The following CLEC20A variants were observed in gnomAD, a reference collection of about 807,000 sequenced individuals.
The protein encoded by CLEC20A is C-type lectin domain containing 20A.
In CLEC20A at chr1:178,487,142, T is replaced by C. The variant is rs527828314; in HGVS notation, c.928+1359A>G. ...GGCAAGAAGGAGTGGCTTCGCGCGC[T>C]GGCTCCCCGGGCCTGTGCCTCTTCC... On this transcript the variant is annotated intron_variant, in intron 5 of 7. Coordinates refer to ENST00000623247, the Ensembl canonical transcript of CLEC20A. 1.0e-3 allele frequency among the ~76,000 whole-genome samples: 155 copies of C among 152,274 alleles called. 1 individual carries two copies. Among genetic ancestry groups the C allele is most frequent in the African/African-American group, 3.4e-3 (142 of 41,566 alleles).
At chr1:178,483,910 T>C (rs1392882117) in intron 5 of CLEC20A, 3 of 152,214 alleles carry the variant, frequency 2.0e-5, no homozygotes, top group Admixed American at 6.5e-5. Context: ...TTGTAAAATA[T>C]GTAAGCAAAT....
upstream of CLEC20A, chr1:178,497,211 CA>C: frequency 2.7e-6 from 1 of 374,778 alleles, no homozygotes; most frequent in Non-Finnish European, 4.7e-6. Flanking sequence ...AACAGTGTCC[CA>C]AAATGAAGGC....
chr1:178,484,893 G>C lies in CLEC20A; in HGVS notation c.929-1611C>G, dbSNP rs569217652. ...AACAGGCCTGGGTTCCACCCACCCA[G>C]ACTGTGCAATATTCTTTCCCCACAC... On this transcript the variant is annotated intron_variant, in intron 5 of 7. Transcript: ENST00000623247. Among the ~76,000 whole-genome samples the C allele has an allele frequency of 3.3e-5, 5 of 152,000 alleles. No individual in the cohort carries two copies. In the South Asian group the frequency reaches 1.0e-3, roughly 32 times the overall value.
rs370655861 is a variant in CLEC20A at position 178,496,722 on chromosome 1, A to T, written c.40+178T>A. 2.3e-4 allele frequency: 92 copies of T among 397,532 alleles called. No individual in the cohort carries two copies. The East Asian group carries it at 2.9e-3, about 13-fold the overall frequency. The allele number at this position is 397,532 out of a possible 1,614,324, so 24.6% of individuals were successfully genotyped here. ...GCTGAGTACTGTCTGGTTAGGGGCG[A>T]TGAGGGCGAAGCTCCCTTCCCAACC... On this transcript the variant is annotated intron_variant, in intron 1 of 7. Coordinates refer to ENST00000623247, the Ensembl canonical transcript of CLEC20A.
At chr1:178,487,182 C>T (rs1649169876) in intron 5 of CLEC20A, among the ~76,000 whole-genome samples, 1 of 152,198 alleles carries the variant, frequency 6.6e-6, no homozygotes, top group South Asian at 2.1e-4. Context: ...CTGGCCTTGC[C>T]CACCCAGTGC....
At chr1:178,488,072 C>T (rs543758103) in intron 5 of CLEC20A, among the ~76,000 whole-genome samples, 2 of 152,330 alleles carry the variant, frequency 1.3e-5, no homozygotes, top group South Asian at 2.1e-4. Context: ...CCTGCAATTC[C>T]GAGGGACTTT....
intron 4 of CLEC20A, among the ~76,000 whole-genome samples, chr1:178,489,615 T>C (rs1001910404): frequency 3.5e-4 from 53 of 151,946 alleles, no homozygotes; most frequent in Non-Finnish European, 1.3e-4. Context: ...TGTGCCAGAG[T>C]TTCTACTCTG....
chr1:178,497,478 A>T (rs558575791), upstream of CLEC20A, among the ~76,000 whole-genome samples: 6 of 152,300 alleles, frequency 3.9e-5, no homozygotes, highest in African/African-American at 1.4e-4. Context: ...GCCCAGAAGG[A>T]AGGACTTCAT....
intron 5 of CLEC20A, among the ~76,000 whole-genome samples, chr1:178,487,201 G>A (rs1025983606): frequency 1.3e-5 from 2 of 152,218 alleles, no homozygotes; most frequent in Non-Finnish European, 2.9e-5. Context: ...GCAGACAGGG[G>A]CGAGCAGGGA....
At chr1:178,492,207 G>A (rs78291873) in intron 3 of CLEC20A, among the ~76,000 whole-genome samples, 3 of 152,214 alleles carry the variant, frequency 2.0e-5, no homozygotes, top group East Asian at 1.9e-4. Flanking sequence ...ATCAGCCACC[G>A]GGAATGTCGG....
At chr1:178,489,616 T>C (rs1197822503) in intron 4 of CLEC20A, among the ~76,000 whole-genome samples, 3 of 152,058 alleles carry the variant, frequency 2.0e-5, no homozygotes, top group African/African-American at 7.2e-5. Context: ...GTGCCAGAGT[T>C]TCTACTCTGC....
chr1:178,488,787 C>G (rs1342982468), intron 4 of CLEC20A, among the ~76,000 whole-genome samples, 188 bp from the exon 5 acceptor site: 1 of 152,228 alleles, frequency 6.6e-6, no homozygotes, highest in Non-Finnish European at 1.5e-5. Flanking sequence ...CTAATCCTCA[C>G]AGCAAGCAGC....
At position 178,494,829 on chromosome 1, in the gene CLEC20A, T is replaced by C. The variant is rs1385196433; in HGVS notation, c.41-19A>G. The C allele has an allele frequency of 1.5e-5, 6 of 399,148 alleles. No homozygotes were observed. The highest frequency in any genetic ancestry group is 2.2e-5 in the Non-Finnish European group (5 of 226,210). The allele number at this position is 399,148 out of a possible 1,614,324, so 24.7% of individuals were successfully genotyped here. A position where few individuals can be genotyped will look rare whatever the true frequency, so the allele number is the denominator to read the frequency against. ...TGCAGGGCTGGAACAGGAGAGGCTG[T>C]CATAGCATGGCTGTCCCCACCCCAG... On this transcript the variant is annotated intron_variant, in intron 1 of 7. Coordinates refer to ENST00000623247, the Ensembl canonical transcript of CLEC20A.
At chr1:178,492,357 G>A in intron 3 of CLEC20A, 144 bp downstream of exon 3, 1 of 397,596 alleles carries the variant, frequency 2.5e-6, no homozygotes, top group East Asian at 3.6e-5. Context: ...AGCAAATTCT[G>A]GAAATCCCTC....
chr1:178,490,845 G>A (rs1009507003), intron 3 of CLEC20A, among the ~76,000 whole-genome samples: 7 of 152,206 alleles, frequency 4.6e-5, no homozygotes, highest in East Asian at 1.9e-4. Flanking sequence ...TGACCATTTC[G>A]GGGGAGATTA....
chr1:178,497,296 C>T (rs1012415332), upstream of CLEC20A: 5 of 257,488 alleles, frequency 1.9e-5, no homozygotes, highest in Admixed American at 1.6e-4. Context: ...CAAGGCCAGC[C>T]GTAGGAACTA....
At chr1:178,497,116 A>G, upstream of CLEC20A, 1 of 396,704 alleles carries the variant, frequency 2.5e-6, no homozygotes, top group Non-Finnish European at 4.4e-6. Context: ...ATACTTACCC[A>G]GTGTCTGTCG....
chr1:178,483,003 A>G (rs1171252887), intron 6 of CLEC20A, 172 bp downstream of exon 6: 2 of 391,870 alleles, frequency 5.1e-6, no homozygotes, highest in African/African-American at 4.1e-5. Context: ...CTAAGTTTTC[A>G]TAATAGTCAT....
chr1:178,490,762 A>T (rs1649250460), intron 3 of CLEC20A, among the ~76,000 whole-genome samples: 1 of 152,218 alleles, frequency 6.6e-6, no homozygotes, highest in South Asian at 2.1e-4. Context: ...TAAGGTCAGG[A>T]TTACATGAAA....
Sources: allele counts gnomAD v4.1 joint callset (sites outside exome capture counted in the v4.1 genomes callset), GRCh38; gene constraint gnomAD v4.1.1; transcripts MANE v1.5; gene names NCBI Gene and HGNC (gene_info 2026-07-23, HGNC 2026-07-21).